ACER3: variants seen among roughly 807,000 people sequenced by gnomAD.
ACER3 encodes the protein alkCDase 3.
In ACER3, 16 loss-of-function variants were observed where a neutral mutation model predicts 48.9. The observed-to-expected ratio is 0.33, with a 90% CI of 0.22 to 0.50. The LOEUF is 0.50. ACER3 is among the 20% of genes least tolerant of loss of function. The probability of loss-of-function intolerance (pLI) is 0.98; values close to 1 mark genes in which losing one functional copy is unlikely to be tolerated. For synonymous variants in ACER3, 109 were observed against 107.8 expected (o/e 1.01, Z -0.07); for missense variants, 227 against 326.0 (o/e 0.70, Z 2.34).
chr11:76,994,134 TTC>T, intron 6 of ACER3: 1 of 388,100 alleles, frequency 2.6e-6, no homozygotes, highest in South Asian at 1.6e-5. Context: ...GGATTAAACT[TTC>T]TTTTTTTTTT....
At chr11:76,973,647 C>T (rs1250214247) in intron 3 of ACER3, among the ~76,000 whole-genome samples, 1 of 152,172 alleles carries the variant, frequency 6.6e-6, no homozygotes, top group Non-Finnish European at 1.5e-5. Context: ...GCAAGCAGGC[C>T]CTTGCCAGGC....
rs1265922232 is a variant in ACER3, at chr11:76,907,592, C to T, written c.104-18965C>T. Among the ~76,000 whole-genome samples the T allele has an allele frequency of 4.6e-5, 7 of 152,194 alleles. No individual in the cohort carries two copies. The East Asian group carries it at 5.8e-4, about 13-fold the overall frequency. The stretch of plus-strand genomic sequence containing the variant: ...ATTGGATAAAATAAGCCAATAAAGC[C>T]GGGCACAGTGGCTCACACCTGTAAT... On this transcript the variant is annotated intron_variant, in intron 1 of 10. Transcript: ENST00000532485.
intron 1 of ACER3, among the ~76,000 whole-genome samples, chr11:76,917,215 C>A (rs1182624054): frequency 1.3e-5 from 2 of 152,174 alleles, no homozygotes; most frequent in African/African-American, 4.8e-5. Context: ...CCTACCTAGA[C>A]TGGAGGTCTT....
At chr11:76,955,507 A>T (rs561335518) in intron 2 of ACER3, 1 of 152,890 alleles carries the variant, frequency 6.5e-6, no homozygotes, top group Non-Finnish European at 1.5e-5. Context: ...TGAGGAACCA[A>T]AACCAAAAAA....
At chr11:77,005,076 C>T (rs1555020606) in intron 7 of ACER3, among the ~76,000 whole-genome samples, 1 of 142,012 alleles carries the variant, frequency 7.0e-6, no homozygotes, top group Non-Finnish European at 1.5e-5. Flanking sequence ...CTCACTCTAT[C>T]GTCCAGGCTG....
intron 1 of ACER3, among the ~76,000 whole-genome samples, chr11:76,861,546 G>A (rs1944939748): frequency 6.6e-6 from 1 of 152,042 alleles, no homozygotes; most frequent in Admixed American, 6.5e-5. Flanking sequence ...GAATTCTACC[G>A]TCTTTCCCTT....
intron 8 of ACER3, among the ~76,000 whole-genome samples, chr11:77,015,745 A>G (rs1591071928): frequency 6.6e-6 from 1 of 152,324 alleles, no homozygotes; most frequent in Non-Finnish European, 1.5e-5. Context: ...TACTACAGGA[A>G]GGCAATCAAC....
intron 1 of ACER3, among the ~76,000 whole-genome samples, chr11:76,902,193 C>T (rs536471448): frequency 6.6e-6 from 1 of 152,304 alleles, no homozygotes; most frequent in Non-Finnish European, 1.5e-5. Context: ...GCCATCTTGA[C>T]ATTTTAAAGC....
chr11:76,900,087 G>C (rs571059972), intron 1 of ACER3, among the ~76,000 whole-genome samples: 4 of 152,206 alleles, frequency 2.6e-5, no homozygotes, highest in Non-Finnish European at 5.9e-5. Flanking sequence ...CTATTGCTTT[G>C]GGAAGCCAAG....
chr11:76,915,249 A>G (rs927629148), intron 1 of ACER3, among the ~76,000 whole-genome samples: 1 of 151,894 alleles, frequency 6.6e-6, no homozygotes, highest in African/African-American at 2.4e-5. Context: ...AAGACAGAAA[A>G]AAAAGGCCCT....
rs573378946 is a variant in ACER3, at chr11:76,868,301, A to G, written c.103+7222A>G. ...CACTGCCTCCAAATTATAACTCAAA[A>G]GTTCATAAGTCAACTGAAGAATGAA... On this transcript the variant is annotated intron_variant, in intron 1 of 10. Coordinates refer to ENST00000532485, the MANE Select transcript of ACER3 (RefSeq NM_018367.7). 59 of 1,267,912 alleles carry G rather than the reference A, an allele frequency of 4.7e-5. No homozygotes were observed. In the East Asian group the frequency reaches 3.1e-3, roughly 66 times the overall value. The allele number at this position is 1,267,912 out of a possible 1,614,324, so 78.5% of individuals were successfully genotyped here. A position where few individuals can be genotyped will look rare whatever the true frequency, so the allele number is the denominator to read the frequency against.
chr11:76,983,852 G>A (rs922250156), intron 4 of ACER3, among the ~76,000 whole-genome samples: 7 of 150,204 alleles, frequency 4.7e-5, no homozygotes, highest in Non-Finnish European at 7.4e-5. Flanking sequence ...GTGCAATGGC[G>A]CAATCTTGGC....
At chr11:76,913,733 A>T (rs1308184967) in intron 1 of ACER3, among the ~76,000 whole-genome samples, 1 of 152,212 alleles carries the variant, frequency 6.6e-6, no homozygotes, top group Non-Finnish European at 1.5e-5. Flanking sequence ...AAAAGAGCCC[A>T]CATTGCCAAG....
At chr11:76,894,021 T>A (rs980892275) in intron 1 of ACER3, among the ~76,000 whole-genome samples, 1 of 152,190 alleles carries the variant, frequency 6.6e-6, no homozygotes, top group Non-Finnish European at 1.5e-5. Context: ...CCAGGCACGG[T>A]GGCTCATGCC....
At chr11:76,956,684 C>CTTT (rs11368601) in intron 2 of ACER3, among the ~76,000 whole-genome samples, 55,553 of 142,088 alleles carry the variant, frequency 0.39, 13,430 homozygotes, top group Non-Finnish European at 0.55. Context: ...TCCCATCTCA[C>CTTT]TTTTTTTTTT....
chr11:76,865,200 G>A (rs1178155293), intron 1 of ACER3, among the ~76,000 whole-genome samples: 2 of 148,398 alleles, frequency 1.3e-5, no homozygotes, highest in Admixed American at 6.7e-5. Context: ...GCCCAAGCTG[G>A]TCTCAAACTC....
At chr11:76,867,994 T>A (rs1945139342) in intron 1 of ACER3, 1 of 733,492 alleles carries the variant, frequency 1.4e-6, no homozygotes, top group Non-Finnish European at 1.9e-6. Flanking sequence ...GTCTTTTTTT[T>A]CCTTGCTGCT....
chr11:76,889,268 A>G (rs1345010631), intron 1 of ACER3, among the ~76,000 whole-genome samples: 2 of 151,676 alleles, frequency 1.3e-5, no homozygotes, highest in African/African-American at 4.8e-5. Flanking sequence ...ATTAGTTTTC[A>G]GTTGCCTCTT....
chr11:76,954,733 T>A (rs547849001), intron 2 of ACER3, among the ~76,000 whole-genome samples: 1 of 152,178 alleles, frequency 6.6e-6, no homozygotes, highest in African/African-American at 2.4e-5. Context: ...CCCAAGTAGC[T>A]GTGACTACAG....
Sources: allele counts gnomAD v4.1 joint callset (sites outside exome capture counted in the v4.1 genomes callset), GRCh38; gene constraint gnomAD v4.1.1; transcripts MANE v1.5; gene names NCBI Gene and HGNC (gene_info 2026-07-23, HGNC 2026-07-21).